Variants in CAMK4 observed in about 807,000 individuals in gnomAD.
The protein encoded by CAMK4 is calcium/calmodulin dependent protein kinase IV, also known as calcium/calmodulin-dependent protein kinase type IV.
Under a neutral mutation model 44.9 loss-of-function variants are expected in CAMK4, and 22 were observed. The ratio of observed to expected loss-of-function variants is 0.49; its 90% CI spans 0.35 to 0.70. CAMK4 has a LOEUF of 0.70. Ranked by LOEUF, CAMK4 falls within the 30% of genes least tolerant of loss-of-function variation. The pLI is 0.01. For synonymous variants in CAMK4, 218 were observed against 215.4 expected, an observed-to-expected ratio of 1.01 and a Z score of -0.11; for missense variants, 498 against 586.8, an observed-to-expected ratio of 0.85 and a Z score of 1.56.
chr5:111,428,980 A>G (rs1364477737), intron 5 of CAMK4, among the ~76,000 whole-genome samples: 1 of 152,236 alleles, frequency 6.6e-6, no homozygotes, highest in Non-Finnish European at 1.5e-5. Flanking sequence ...AACCTATGCG[A>G]TACAGCAAAA....
At chr5:111,343,197 G>C (rs1397753438) in intron 1 of CAMK4, among the ~76,000 whole-genome samples, 1 of 151,658 alleles carries the variant, frequency 6.6e-6, no homozygotes, top group Admixed American at 6.6e-5. Context: ...CCTTTAGATA[G>C]CTGGGAATGT....
chr5:111,323,541 A>G (rs1748748951), intron 1 of CAMK4, among the ~76,000 whole-genome samples: 1 of 152,038 alleles, frequency 6.6e-6, no homozygotes, highest in Non-Finnish European at 1.5e-5. Flanking sequence ...GTGAATATGA[A>G]TGATGACTAA....
chr5:111,343,381 T>G (rs1749723796), intron 1 of CAMK4, among the ~76,000 whole-genome samples: 1 of 151,794 alleles, frequency 6.6e-6, no homozygotes, highest in Non-Finnish European at 1.5e-5. Flanking sequence ...TATTTCTCTT[T>G]TATCTCTCTT....
intron 2 of CAMK4, among the ~76,000 whole-genome samples, chr5:111,358,765 T>C (rs1177293406): frequency 6.6e-6 from 1 of 152,028 alleles, no homozygotes; most frequent in Non-Finnish European, 1.5e-5. Context: ...ATGTGTTGTT[T>C]GTGTCCATAT....
At chr5:111,295,862 G>C (rs778022468) in intron 1 of CAMK4, among the ~76,000 whole-genome samples, 7 of 152,120 alleles carry the variant, frequency 4.6e-5, no homozygotes, top group African/African-American at 1.4e-4. Context: ...CAAAAAGTGA[G>C]GTTGAAGCAT....
chr5:111,344,474 T>C (rs1749789500), intron 2 of CAMK4, among the ~76,000 whole-genome samples: 1 of 151,692 alleles, frequency 6.6e-6, no homozygotes. Context: ...TATTTAAATA[T>C]TAAAACCACA....
intron 1 of CAMK4, among the ~76,000 whole-genome samples, chr5:111,250,565 C>T (rs1029062838): frequency 6.6e-6 from 1 of 152,192 alleles, no homozygotes; most frequent in African/African-American, 2.4e-5. Context: ...ACTCCACTTC[C>T]CAGTATACTG....
At position 111,411,416 on chromosome 5, in the gene CAMK4, A is replaced by C. The variant is rs76789659; in HGVS notation, c.459+16634A>C. Among the ~76,000 whole-genome samples, 914 of 152,348 alleles carry C rather than the reference A, an allele frequency of 6.0e-3. 9 individuals are homozygous for C. Among genetic ancestry groups the C allele is most frequent in the African/African-American group, 0.02 (848 of 41,570 alleles). ...AGGCAGCAGGATCTATGGAAGTATT[A>C]GTTCTAAGAGTTGTCAATTCTTATG... On this transcript the variant is annotated intron_variant, in intron 5 of 10. Transcript: ENST00000282356.
At chr5:111,273,153 A>G (rs1239458480) in intron 1 of CAMK4, among the ~76,000 whole-genome samples, 1 of 152,070 alleles carries the variant, frequency 6.6e-6, no homozygotes, top group Admixed American at 6.6e-5. Flanking sequence ...GTCACTGATG[A>G]TTTTAGTTAT....
chr5:111,382,737 T>C (rs1248476094), intron 4 of CAMK4, among the ~76,000 whole-genome samples: 1 of 152,184 alleles, frequency 6.6e-6, no homozygotes, highest in Non-Finnish European at 1.5e-5. Flanking sequence ...GATCTAATAA[T>C]AATTAAATAA....
At chr5:111,268,300 A>G (rs1365172413) in intron 1 of CAMK4, among the ~76,000 whole-genome samples, 1 of 152,208 alleles carries the variant, frequency 6.6e-6, no homozygotes, top group Non-Finnish European at 1.5e-5. Flanking sequence ...TTATTCAAAT[A>G]AGAATTGAGG....
At chr5:111,311,867 G>A (rs1254150439) in intron 1 of CAMK4, among the ~76,000 whole-genome samples, 1 of 152,114 alleles carries the variant, frequency 6.6e-6, no homozygotes, top group African/African-American at 2.4e-5. Context: ...CGGTAGCAGT[G>A]AGGTGATGTT....
At chr5:111,348,674 G>A (rs1023969774) in intron 2 of CAMK4, among the ~76,000 whole-genome samples, 2 of 151,982 alleles carry the variant, frequency 1.3e-5, no homozygotes, top group African/African-American at 4.8e-5. Flanking sequence ...CAGGTTGGGG[G>A]AGAGAGGAAA....
At chr5:111,367,452 A>C (rs1438008445) in intron 2 of CAMK4, among the ~76,000 whole-genome samples, 2 of 152,096 alleles carry the variant, frequency 1.3e-5, no homozygotes, top group African/African-American at 2.4e-5. Flanking sequence ...ATGCATTCAA[A>C]TCATAGCACC....
At chr5:111,274,862 T>C (rs551427938) in intron 1 of CAMK4, among the ~76,000 whole-genome samples, 20 of 152,134 alleles carry the variant, frequency 1.3e-4, no homozygotes, top group Non-Finnish European at 2.1e-4. Context: ...GTCCATTTCA[T>C]TTTAAGTGTT....
At chr5:111,480,000 T>C (rs1755376727) in intron 9 of CAMK4, among the ~76,000 whole-genome samples, 2 of 152,028 alleles carry the variant, frequency 1.3e-5, no homozygotes, top group African/African-American at 4.8e-5. Context: ...GTCCTTGTCC[T>C]GCTTTAAGAA....
Position 111,280,219 on chromosome 5 carries a change from A to ATT in CAMK4, c.161+55576_161+55577insTT, listed in dbSNP as rs1290602362. Among the ~76,000 whole-genome samples, 309 of 152,352 alleles carry ATT rather than the reference A, an allele frequency of 2.0e-3. 3 individuals carry two copies. Among genetic ancestry groups the ATT allele is most frequent in the Middle Eastern group, 3.4e-3 (1 of 294 alleles). ...ATTTTGAAACAGAACAAGCTTTTAA[A>ATT]TGAATCTTCTAATTAGAAAAATATC... On this transcript the variant is annotated intron_variant, in intron 1 of 10. Transcript: ENST00000282356.
intron 4 of CAMK4, among the ~76,000 whole-genome samples, chr5:111,392,417 A>T (rs1751835961): frequency 1.3e-5 from 2 of 152,114 alleles, no homozygotes; most frequent in Non-Finnish European, 2.9e-5. Flanking sequence ...ATCACCTCCC[A>T]CTGGGCCCCT....
chr5:111,411,248 A>G (rs1752621732), intron 5 of CAMK4, among the ~76,000 whole-genome samples: 1 of 152,146 alleles, frequency 6.6e-6, no homozygotes, highest in South Asian at 2.1e-4. Flanking sequence ...ATCTTATTTT[A>G]TGTGAGTGGC....
Sources: allele counts gnomAD v4.1 joint callset (sites outside exome capture counted in the v4.1 genomes callset), GRCh38; gene constraint gnomAD v4.1.1; transcripts MANE v1.5; gene names NCBI Gene and HGNC (gene_info 2026-07-23, HGNC 2026-07-21).